STAT3: variants seen among roughly 807,000 people sequenced by gnomAD.
STAT3 encodes signal transducer and activator of transcription 3.
In STAT3, 7 loss-of-function variants were observed where a neutral mutation model predicts 114.3. That is an observed-to-expected ratio of 0.06 (90% CI 0.03 to 0.11). The LOEUF is 0.11. Among genes scored for constraint, STAT3 ranks in the 10% least tolerant of loss-of-function variants. The pLI, the probability that STAT3 is intolerant of heterozygous loss-of-function variation, is 1.00. For synonymous variants in STAT3, 331 were observed against 354.5 expected (o/e 0.93, Z 0.74); for missense variants, 364 against 960.9 (o/e 0.38, Z 8.21).
intron 11 of STAT3, 81 bp from the exon 12 acceptor site, chr17:42,329,857 G>T: frequency 6.6e-7 from 1 of 1,511,180 alleles, no homozygotes; most frequent in Non-Finnish European, 9.1e-7. Flanking sequence ...GTTATTTACT[G>T]TCATGAAAAA....
At chr17:42,317,976 CAG>C (rs1470744565) in intron 21 of STAT3, among the ~76,000 whole-genome samples, 1 of 152,134 alleles carries the variant, frequency 6.6e-6, no homozygotes, top group Admixed American at 6.5e-5. Context: ...TGTTTTGAGA[CAG>C]AGTCTCACTC....
chr17:42,326,954 T>C (rs2081755145), intron 14 of STAT3, among the ~76,000 whole-genome samples: 1 of 152,034 alleles, frequency 6.6e-6, no homozygotes, highest in African/African-American at 2.4e-5. Context: ...CACCAGGTGG[T>C]CACAAACAAA....
rs181145956 is a variant in STAT3 at position 42,329,684 on chromosome 17, C to G, written c.1140-37G>C. ...GGGAACAATCAACTATGTAGGTGAC[C>G]AAGTAGCCGGAGGATGAAGTTAGGT... is the stretch of plus-strand genomic sequence containing the variant. On this transcript the variant is annotated intron_variant, in intron 12 of 23. Coordinates refer to ENST00000264657, the MANE Select transcript of STAT3 (RefSeq NM_139276.3). 212 of 1,613,922 alleles carry G rather than the reference C, an allele frequency of 1.3e-4. 1 individual carries two copies. In the East Asian group the frequency reaches 2.2e-3, roughly 17 times the overall value.
chr17:42,332,944 T>A (rs749194959), intron 10 of STAT3, among the ~76,000 whole-genome samples: 1 of 152,016 alleles, frequency 6.6e-6, no homozygotes, highest in Non-Finnish European at 1.5e-5. Context: ...GAGGTTGCAG[T>A]GAGCTGAGAT....
chr17:42,368,790 T>C (rs981625744), intron 1 of STAT3, among the ~76,000 whole-genome samples: 12 of 152,040 alleles, frequency 7.9e-5, no homozygotes, highest in Admixed American at 3.9e-4. Flanking sequence ...AAGTTTGTTA[T>C]ATAGGTAAAC....
chr17:42,386,786 T>C (rs2145424043), intron 1 of STAT3, among the ~76,000 whole-genome samples: 1 of 152,326 alleles, frequency 6.6e-6, no homozygotes, highest in East Asian at 1.9e-4. Flanking sequence ...TTGTGATGGA[T>C]GTGCTAATAT....
In STAT3 at chr17:42,333,330, C is replaced by CT. The variant is rs530740875; in HGVS notation, c.1049+342dup. Among the ~76,000 whole-genome samples, 1 of 152,078 alleles carries CT rather than the reference C, an allele frequency of 6.6e-6. No homozygotes were observed. The highest frequency in any genetic ancestry group is 1.5e-5 in the Non-Finnish European group (1 of 68,006). ...CCTCTCAGCTTCCCCATCACTAAGC[C>CT]TTACTCTTTCCCTTAAAATCCACAG... On this transcript the variant is annotated intron_variant, in intron 10 of 23. Transcript: ENST00000264657. The surrounding 1 kb of genome is among the most constrained non-coding windows in gnomAD (Gnocchi z 5.2).
intron 14 of STAT3, among the ~76,000 whole-genome samples, chr17:42,326,595 G>A (rs2081737326): frequency 6.6e-6 from 1 of 152,158 alleles, no homozygotes; most frequent in Non-Finnish European, 1.5e-5. Flanking sequence ...GAGGCAGGTG[G>A]ATCACATGGT....
At chr17:42,363,186 T>C (rs1391767483) in intron 1 of STAT3, among the ~76,000 whole-genome samples, 1 of 152,210 alleles carries the variant, frequency 6.6e-6, no homozygotes, top group African/African-American at 2.4e-5. Flanking sequence ...GTGAGGACAC[T>C]GCGCCCAATT....
Position 42,315,124 on chromosome 17 carries a change from G to A in STAT3, c.*621C>T. On this transcript the variant is annotated 3_prime_UTR_variant, in exon 24 of 24. Transcript: ENST00000264657. The stretch of plus-strand genomic sequence containing the variant: ...ATCCGCCTCGGCCTCCCAAAGTGCT[G>A]GGATTACAGGCGTGAGCCACCATGC... The A allele has an allele frequency of 5.0e-6, 1 of 199,786 alleles. No individual in the cohort carries two copies. Among genetic ancestry groups the A allele is most frequent in the Non-Finnish European group, 1.0e-5 (1 of 96,790 alleles). The allele number at this position is 199,786 out of a possible 1,614,324, so 12.4% of individuals were successfully genotyped here.
chr17:42,346,794 G>GAAAAAAAC, intron 2 of STAT3, 81 bp from the exon 3 acceptor site: 1 of 1,593,478 alleles, frequency 6.3e-7, no homozygotes. Context: ...CAAGAAAGAG[G>GAAAAAAAC]AAAAAAACAA....
intron 22 of STAT3, 33 bp from the exon 23 acceptor site, chr17:42,316,934 C>A: frequency 6.3e-7 from 1 of 1,589,150 alleles, no homozygotes. Flanking sequence ...GGAGGGGAAA[C>A]GGGGGGTTGA....
chr17:42,317,156 CA>C, intron 22 of STAT3, 25 bp downstream of exon 22: 1 of 1,613,940 alleles, frequency 6.2e-7, no homozygotes, highest in African/African-American at 1.3e-5. Context: ...GAAATGAAGG[CA>C]AAACGGGGAA....
chr17:42,346,752 C>T (rs112012919), intron 2 of STAT3, 39 bp from the exon 3 acceptor site: 243 of 1,613,254 alleles, frequency 1.5e-4, no homozygotes, highest in Non-Finnish European at 2.0e-4. Flanking sequence ...GCTCTGAAGC[C>T]GACGCATACA....
chr17:42,351,315 A>C (rs1362229002), intron 1 of STAT3, among the ~76,000 whole-genome samples: 1 of 151,938 alleles, frequency 6.6e-6, no homozygotes, highest in Non-Finnish European at 1.5e-5. Context: ...GTTCAATCAC[A>C]GCTCACTGTA....
chr17:42,384,673 G>A (rs2084999380), intron 1 of STAT3, among the ~76,000 whole-genome samples: 1 of 151,840 alleles, frequency 6.6e-6, no homozygotes, highest in Non-Finnish European at 1.5e-5. Flanking sequence ...TCCCACCTTA[G>A]TCTCACCAGT....
At chr17:42,317,327 T>G (rs886895108) in intron 21 of STAT3, 103 bp from the exon 22 acceptor site, 2 of 1,318,972 alleles carry the variant, frequency 1.5e-6, no homozygotes, top group Admixed American at 3.9e-5. Flanking sequence ...TGAAACTCAC[T>G]CATCCTCATG....
In STAT3 at chr17:42,324,584, C is replaced by T; in HGVS notation, c.1600+127G>A. ...CAACTCCCCTGTTTCCTGGCACCAG[C>T]ACAGCGCCTTGCTCAGGAAAGAAAC... On this transcript the variant is annotated intron_variant, in intron 17 of 23. Coordinates refer to ENST00000264657, the MANE Select transcript of STAT3 (RefSeq NM_139276.3). This position sits in a 1 kb window ranked among gnomAD's most constrained non-coding sequence, Gnocchi z 4.5. The T allele has an allele frequency of 7.3e-7, 1 of 1,375,304 alleles. No individual in the cohort carries two copies. Among genetic ancestry groups the T allele is most frequent in the Non-Finnish European group, 9.9e-7 (1 of 1,005,720 alleles). 85.2% of individuals were successfully genotyped at this position (1,375,304 alleles called of 1,614,324 possible). A position where few individuals can be genotyped will look rare whatever the true frequency, so the allele number is the denominator to read the frequency against.
intron 4 of STAT3, 33 bp from the exon 5 acceptor site, chr17:42,339,442 A>C (rs1315069701): frequency 1.1e-5 from 17 of 1,606,050 alleles, no homozygotes; most frequent in Non-Finnish European, 1.4e-5. Flanking sequence ...ACATGTGAAC[A>C]CAGAACTATG....
Sources: allele counts gnomAD v4.1 joint callset (sites outside exome capture counted in the v4.1 genomes callset), GRCh38; gene constraint gnomAD v4.1.1; non-coding constraint Gnocchi (gnomAD v3.1); transcripts MANE v1.5; gene names NCBI Gene and HGNC (gene_info 2026-07-23, HGNC 2026-07-21).